AFF3: variants seen among roughly 807,000 people sequenced by gnomAD.
AFF3 encodes AF4/FMR2 family member 3.
Under a neutral mutation model 129.7 loss-of-function variants are expected in AFF3, and 32 were observed. The observed-to-expected ratio is 0.25, with a 90% CI of 0.19 to 0.33. The LOEUF (loss-of-function observed/expected upper bound fraction) is 0.33, where lower values mean the gene tolerates loss of function less well. Among genes scored for constraint, AFF3 ranks in the 10% least tolerant of loss-of-function variants. AFF3 has a pLI of 1.00. For missense variants in AFF3, 1,373 were observed against 1,592.0 expected (o/e 0.86, Z 2.34); for synonymous variants, 644 against 635.4 (o/e 1.01, Z -0.20).
chr2:100,055,959 G>A (rs1389464362), intron 4 of AFF3, among the ~76,000 whole-genome samples: 1 of 151,524 alleles, frequency 6.6e-6, no homozygotes, highest in Non-Finnish European at 1.5e-5. Context: ...ACTGCTTGAG[G>A]CCAGGAGATC....
At chr2:99,866,045 G>A (rs891868782) in intron 7 of AFF3, among the ~76,000 whole-genome samples, 1 of 152,138 alleles carries the variant, frequency 6.6e-6, no homozygotes, top group African/African-American at 2.4e-5. Context: ...AAATAAACAG[G>A]GCTACCTTCT....
At chr2:99,688,923 A>C (rs1675337055) in intron 11 of AFF3, among the ~76,000 whole-genome samples, 3 of 152,114 alleles carry the variant, frequency 2.0e-5, no homozygotes, top group Admixed American at 2.0e-4. Context: ...CCCTACTTGG[A>C]TGTGCCTCCA....
At chr2:100,129,416 G>GTGTGTGTGTGTGTGCGTA (rs1491429504) in intron 1 of AFF3, 110 bp from the exon 2 acceptor site, 3 of 141,496 alleles carry the variant, frequency 2.1e-5, no homozygotes, top group Non-Finnish European at 4.7e-5. Flanking sequence ...GTGTGTGTGT[G>GTGTGTGTGTGTGTGCGTA]TATACATATT....
chr2:99,995,749 G>C (rs1232783612), intron 7 of AFF3, among the ~76,000 whole-genome samples: 1 of 152,110 alleles, frequency 6.6e-6, no homozygotes, highest in Admixed American at 6.5e-5. Context: ...GGAAGAGAGA[G>C]AGATACAAAA....
intron 13 of AFF3, among the ~76,000 whole-genome samples, chr2:99,627,754 T>C (rs1388881661): frequency 1.3e-5 from 2 of 152,326 alleles, no homozygotes; most frequent in East Asian, 1.9e-4. Flanking sequence ...TTGTAAATGG[T>C]ATAAGGAAGG....
At chr2:99,692,227 G>C (rs1675738096) in intron 11 of AFF3, among the ~76,000 whole-genome samples, 1 of 152,150 alleles carries the variant, frequency 6.6e-6, no homozygotes, top group African/African-American at 2.4e-5. Context: ...TCTTCCTCCT[G>C]CAAGACTCAG....
chr2:100,098,365 T>C (rs1346159689), intron 4 of AFF3, among the ~76,000 whole-genome samples: 1 of 152,230 alleles, frequency 6.6e-6, no homozygotes, highest in Non-Finnish European at 1.5e-5. Context: ...ACCAAGGCTT[T>C]ATTCCCAAAA....
intron 8 of AFF3, among the ~76,000 whole-genome samples, chr2:99,776,795 G>T (rs931915641): frequency 3.3e-5 from 5 of 152,170 alleles, no homozygotes; most frequent in African/African-American, 1.2e-4. Flanking sequence ...GGGCTCAATG[G>T]TAGACTCCAG....
chr2:99,616,322 C>T (rs1319632671), intron 13 of AFF3, among the ~76,000 whole-genome samples: 1 of 152,082 alleles, frequency 6.6e-6, no homozygotes, highest in Non-Finnish European at 1.5e-5. Flanking sequence ...GGCAGTAACA[C>T]TCTACCAGAG....
intron 3 of AFF3, chr2:100,105,239 G>T: frequency 9.6e-7 from 1 of 1,038,954 alleles, no homozygotes; most frequent in Non-Finnish European, 1.2e-6. Context: ...GGGCGCTCCC[G>T]CGGGCGGCGG....
intron 2 of AFF3, among the ~76,000 whole-genome samples, chr2:100,122,801 G>A (rs1030355652): frequency 1.5e-4 from 23 of 152,138 alleles, no homozygotes; most frequent in African/African-American, 5.1e-4. Context: ...ATGCATACTG[G>A]CAATGAGAGA....
intron 7 of AFF3, among the ~76,000 whole-genome samples, chr2:99,918,324 T>C (rs545187778): frequency 2.0e-5 from 3 of 152,296 alleles, no homozygotes; most frequent in African/African-American, 7.2e-5. Flanking sequence ...TGGGTATATC[T>C]TGGGCCATTT....
intron 8 of AFF3, among the ~76,000 whole-genome samples, chr2:99,774,916 C>T (rs189205605): frequency 6.6e-6 from 1 of 152,210 alleles, no homozygotes; most frequent in East Asian, 1.9e-4. Flanking sequence ...TAAACCGCTC[C>T]ATGAAAAAGT....
At chr2:99,906,721 T>A (rs1326673354) in intron 7 of AFF3, among the ~76,000 whole-genome samples, 2 of 152,056 alleles carry the variant, frequency 1.3e-5, no homozygotes, top group Admixed American at 1.3e-4. Flanking sequence ...CCGGACCACA[T>A]GTTTCTTTCT....
At chr2:100,019,261 T>C (rs562430923) in intron 4 of AFF3, among the ~76,000 whole-genome samples, 16 of 152,306 alleles carry the variant, frequency 1.1e-4, no homozygotes, top group African/African-American at 3.8e-4. Flanking sequence ...ACTAAGGAGA[T>C]AGGCTGTGGT....
intron 8 of AFF3, among the ~76,000 whole-genome samples, chr2:99,794,097 T>A (rs1008852270): frequency 1.3e-5 from 2 of 152,368 alleles, no homozygotes; most frequent in Non-Finnish European, 2.9e-5. Flanking sequence ...AAATTAATTT[T>A]GTTTTGGCCA....
chr2:99,793,172 C>T (rs954323495), intron 8 of AFF3, among the ~76,000 whole-genome samples: 15 of 152,104 alleles, frequency 9.9e-5, no homozygotes, highest in Admixed American at 4.6e-4. Flanking sequence ...TATTAGTTCC[C>T]GCAAGAACTG....
intron 8 of AFF3, among the ~76,000 whole-genome samples, chr2:99,800,905 T>TG (rs1685891370): frequency 6.6e-6 from 1 of 152,068 alleles, no homozygotes; most frequent in Non-Finnish European, 1.5e-5. Context: ...AGCAGAGCAG[T>TG]GGTGGCCTGG....
chr2:99,661,722 G>A (rs1389026389), intron 12 of AFF3, among the ~76,000 whole-genome samples: 1 of 152,160 alleles, frequency 6.6e-6, no homozygotes, highest in Non-Finnish European at 1.5e-5. Flanking sequence ...ATGAAAAAAA[G>A]GCAATTACAT....
Sources: allele counts gnomAD v4.1 joint callset (sites outside exome capture counted in the v4.1 genomes callset), GRCh38; gene constraint gnomAD v4.1.1; transcripts MANE v1.5; gene names NCBI Gene and HGNC (gene_info 2026-07-23, HGNC 2026-07-21).